UNC5D: variants seen among roughly 807,000 people sequenced by gnomAD.
The protein encoded by UNC5D is netrin receptor UNC5D.
A neutral mutation model predicts 105.4 loss-of-function variants in UNC5D; 39 were observed. The observed-to-expected ratio is 0.37, with a 90% CI of 0.29 to 0.48. The LOEUF is 0.48. Ranked by LOEUF, UNC5D falls within the 20% of genes least tolerant of loss-of-function variation. UNC5D has a pLI of 0.98. For synonymous variants in UNC5D, 452 were observed against 450.4 expected, an observed-to-expected ratio of 1.00 and a Z score of -0.04; for missense variants, 991 against 1,202.4, an observed-to-expected ratio of 0.82 and a Z score of 2.60.
chr8:35,287,459 G>A (rs1182956784), intron 1 of UNC5D, among the ~76,000 whole-genome samples: 1 of 152,138 alleles, frequency 6.6e-6, no homozygotes, highest in Non-Finnish European at 1.5e-5. Flanking sequence ...GAAAGTCATA[G>A]TGATAAAGGA....
At position 35,791,778 on chromosome 8, in the gene UNC5D, C is replaced by T. The variant is rs911756327; in HGVS notation, c.*1215C>T. 2.0e-5 allele frequency: 3 copies of T among 152,126 alleles called. No individual in the cohort carries two copies. Among genetic ancestry groups the T allele is most frequent in the Non-Finnish European group, 4.4e-5 (3 of 68,024 alleles). 9.4% of individuals were successfully genotyped at this position (152,126 alleles called of 1,614,324 possible). ...TTCACCCTGTGACTATTCAGCCTCC[C>T]TGAATATGCTTTCTCTATAGAACCA... On this transcript the variant is annotated 3_prime_UTR_variant, in exon 17 of 17. Transcript: ENST00000404895.
At chr8:35,332,352 A>G (rs1357764946) in intron 1 of UNC5D, among the ~76,000 whole-genome samples, 2 of 152,222 alleles carry the variant, frequency 1.3e-5, no homozygotes, top group Non-Finnish European at 1.5e-5. Context: ...AATATTCTCA[A>G]ATAGAAATAT....
At chr8:35,507,274 C>G (rs1812385300) in intron 1 of UNC5D, among the ~76,000 whole-genome samples, 1 of 151,866 alleles carries the variant, frequency 6.6e-6, no homozygotes, top group Non-Finnish European at 1.5e-5. Context: ...CCAGGATGGT[C>G]TCGATTTCCT....
intron 1 of UNC5D, among the ~76,000 whole-genome samples, chr8:35,355,850 C>T (rs1191479765): frequency 6.6e-6 from 1 of 152,066 alleles, no homozygotes; most frequent in Non-Finnish European, 1.5e-5. Context: ...AGTGAGAAAA[C>T]AGAGTTTTCT....
rs564292417 is a variant in UNC5D at position 35,756,524 on chromosome 8, TCA to T, written c.2164-2793_2164-2792del. Among the ~76,000 whole-genome samples, 25 of 144,132 alleles carry T rather than the reference TCA, an allele frequency of 1.7e-4. No homozygotes were observed. In the South Asian group the frequency reaches 5.5e-3, roughly 32 times the overall value. 94.6% of individuals were successfully genotyped at this position (144,132 alleles called of 152,430 possible). A position where few individuals can be genotyped will look rare whatever the true frequency, so the allele number is the denominator to read the frequency against. ...AAAATCATTTATGAGACAGAGTTAA[TCA>T]CAGTCTGATCTTCACATGAGTCTTT... On this transcript the variant is annotated intron_variant, in intron 13 of 16. Transcript: ENST00000404895.
chr8:35,365,634 A>G (rs1273780201), intron 1 of UNC5D, among the ~76,000 whole-genome samples: 3 of 150,466 alleles, frequency 2.0e-5, no homozygotes, highest in Non-Finnish European at 4.4e-5. Context: ...GTGAAGGATA[A>G]CAGTTAACTG....
chr8:35,483,100 G>C (rs1384268912), intron 1 of UNC5D, among the ~76,000 whole-genome samples: 1 of 151,878 alleles, frequency 6.6e-6, no homozygotes, highest in East Asian at 1.9e-4. Flanking sequence ...ACTGCACCTG[G>C]CCCCATTTTT....
At chr8:35,704,316 G>A (rs773470766) in intron 7 of UNC5D, among the ~76,000 whole-genome samples, 26 of 152,134 alleles carry the variant, frequency 1.7e-4, no homozygotes, top group Non-Finnish European at 3.5e-4. Context: ...TGTAATGCAA[G>A]AGCATTCCAT....
chr8:35,596,090 T>C (rs1819476546), intron 4 of UNC5D, among the ~76,000 whole-genome samples: 1 of 152,204 alleles, frequency 6.6e-6, no homozygotes. Context: ...CATCCTTCAC[T>C]TTTTTGTGGA....
intron 3 of UNC5D, among the ~76,000 whole-genome samples, chr8:35,569,506 C>A (rs1817583890): frequency 6.6e-6 from 1 of 152,196 alleles, no homozygotes; most frequent in South Asian, 2.1e-4. Context: ...ACACATGTCA[C>A]CTTCATTCTA....
At chr8:35,413,292 T>TGTGTGTGTG (rs56157732) in intron 1 of UNC5D, among the ~76,000 whole-genome samples, 1 of 127,978 alleles carries the variant, frequency 7.8e-6, no homozygotes, top group African/African-American at 3.1e-5. Flanking sequence ...TGTGTGTGTG[T>TGTGTGTGTG]TGTGTGTGTG....
At chr8:35,366,302 G>A (rs776489437) in intron 1 of UNC5D, among the ~76,000 whole-genome samples, 1 of 151,762 alleles carries the variant, frequency 6.6e-6, no homozygotes, top group Non-Finnish European at 1.5e-5. Flanking sequence ...TCTTCCATGT[G>A]CCCCAGTATC....
At chr8:35,721,541 T>G (rs1828584850) in intron 8 of UNC5D, 2 of 702,372 alleles carry the variant, frequency 2.8e-6, no homozygotes, top group East Asian at 5.4e-5. Context: ...AGTCTAGCAT[T>G]TAATTGGTGT....
chr8:35,285,121 A>G, intron 1 of UNC5D, among the ~76,000 whole-genome samples: 1 of 152,194 alleles, frequency 6.6e-6, no homozygotes, highest in South Asian at 2.1e-4. Flanking sequence ...AATACCACAA[A>G]TTGTATAATC....
intron 7 of UNC5D, among the ~76,000 whole-genome samples, chr8:35,704,709 G>A (rs1827434623): frequency 6.6e-6 from 1 of 152,098 alleles, no homozygotes; most frequent in Non-Finnish European, 1.5e-5. Context: ...GCGTCTGAAG[G>A]GCAGTCACCT....
At chr8:35,318,688 A>G (rs1303752957) in intron 1 of UNC5D, among the ~76,000 whole-genome samples, 3 of 152,108 alleles carry the variant, frequency 2.0e-5, no homozygotes, top group Middle Eastern at 3.2e-3. Context: ...AAGATGGATA[A>G]AGTAACTTCC....
chr8:35,614,509 T>TTAAAA (rs1820889593), intron 4 of UNC5D, among the ~76,000 whole-genome samples: 1 of 152,196 alleles, frequency 6.6e-6, no homozygotes, highest in African/African-American at 2.4e-5. Flanking sequence ...TGAGGACCTT[T>TTAAAA]GCAGAAAGCC....
At chr8:35,447,574 T>A (rs1265435424) in intron 1 of UNC5D, among the ~76,000 whole-genome samples, 2 of 152,118 alleles carry the variant, frequency 1.3e-5, no homozygotes, top group African/African-American at 2.4e-5. Context: ...AATATTACTG[T>A]ATTTCTAGGA....
chr8:35,432,584 G>A (rs535837452), intron 1 of UNC5D, among the ~76,000 whole-genome samples: 1 of 152,192 alleles, frequency 6.6e-6, no homozygotes, highest in East Asian at 1.9e-4. Flanking sequence ...AACAACTTGG[G>A]GTTAGCTCAT....
Sources: gnomAD v4.1 joint callset for allele counts (sites outside exome capture counted in the v4.1 genomes callset) on GRCh38, gnomAD v4.1.1 for gene constraint, MANE v1.5 for transcripts, NCBI Gene and HGNC (gene_info 2026-07-23, HGNC 2026-07-21) for gene names.